Variants in CTNNAL1 observed in about 807,000 individuals in gnomAD.
CTNNAL1 encodes alpha-catulin.
A neutral mutation model predicts 93.6 loss-of-function variants in CTNNAL1; 69 were observed. The ratio of observed to expected loss-of-function variants is 0.74; its 90% CI spans 0.61 to 0.90. The LOEUF is 0.90. Ranked by LOEUF, CTNNAL1 falls within the 40% of genes least tolerant of loss-of-function variation. The pLI, the probability that CTNNAL1 is intolerant of heterozygous loss-of-function variation, is 0.00. For missense variants in CTNNAL1, 836 were observed against 862.0 expected, an observed-to-expected ratio of 0.97 and a Z score of 0.38; for synonymous variants, 286 against 305.4, an observed-to-expected ratio of 0.94 and a Z score of 0.66.
intron 6 of CTNNAL1, among the ~76,000 whole-genome samples, chr9:108,981,662 C>T (rs1400394440): frequency 1.3e-5 from 2 of 152,158 alleles, no homozygotes; most frequent in African/African-American, 2.4e-5. Flanking sequence ...TGGTGGTTCA[C>T]GCCTGTAATC....
At chr9:108,991,278 G>A (rs943566797) in intron 3 of CTNNAL1, among the ~76,000 whole-genome samples, 1 of 152,058 alleles carries the variant, frequency 6.6e-6, no homozygotes, top group Non-Finnish European at 1.5e-5. Flanking sequence ...ACATTCTCAG[G>A]AAAGCAGAAG....
chr9:108,983,468 G>C (rs1268416565), intron 5 of CTNNAL1, among the ~76,000 whole-genome samples, 153 bp from the exon 6 acceptor site: 1 of 152,120 alleles, frequency 6.6e-6, no homozygotes, highest in African/African-American at 2.4e-5. Context: ...CACTAAAGTG[G>C]AAGCAGGATG....
In CTNNAL1 at chr9:109,009,302, C is replaced by A. The variant is rs1430768641; in HGVS notation, c.141+4000G>T. ...CCAGCATAAGGTAATGAAGATACTG[C>A]CCTATTTTTTTTTTTCTAAAAGTGT... is the stretch of plus-strand genomic sequence containing the variant. On this transcript the variant is annotated intron_variant, in intron 1 of 18. Transcript: ENST00000325551. Among the ~76,000 whole-genome samples the A allele has an allele frequency of 2.0e-4, 3 of 15,070 alleles. No individual in the cohort carries two copies. In the East Asian group the frequency reaches 0.018, roughly 91 times the overall value. The allele number at this position is 15,070 out of a possible 152,430, so 9.9% of individuals were successfully genotyped here. A position where few individuals can be genotyped will look rare whatever the true frequency, so the allele number is the denominator to read the frequency against.
At chr9:108,958,062 T>TAAA (rs1830727969) in intron 11 of CTNNAL1, among the ~76,000 whole-genome samples, 2 of 43,710 alleles carry the variant, frequency 4.6e-5, no homozygotes, top group Non-Finnish European at 7.8e-5. Context: ...CAAGACTGTC[T>TAAA]CAAAAAAAAA....
intron 12 of CTNNAL1, among the ~76,000 whole-genome samples, chr9:108,954,555 C>A (rs529617750): frequency 1.3e-5 from 2 of 152,258 alleles, no homozygotes; most frequent in East Asian, 3.9e-4. Context: ...AGCTATAAAA[C>A]CATCTGTTAG....
At chr9:108,962,273 TA>T (rs1830837620) in intron 11 of CTNNAL1, among the ~76,000 whole-genome samples, 1 of 152,220 alleles carries the variant, frequency 6.6e-6, no homozygotes, top group Non-Finnish European at 1.5e-5. Context: ...TGGCAGCTAC[TA>T]TTATTTTTAT....
intron 3 of CTNNAL1, among the ~76,000 whole-genome samples, chr9:108,991,166 G>C (rs1269767619): frequency 2.6e-5 from 4 of 152,202 alleles, no homozygotes; most frequent in African/African-American, 9.6e-5. Flanking sequence ...GGAATGGGCA[G>C]GACCACAGTA....
chr9:108,968,389 G>T (rs963219066), intron 10 of CTNNAL1, among the ~76,000 whole-genome samples: 2 of 152,182 alleles, frequency 1.3e-5, no homozygotes, highest in African/African-American at 2.4e-5. Context: ...CTATCCTGGG[G>T]AAGAAAATAT....
In CTNNAL1 at chr9:108,965,399, C is replaced by G; in HGVS notation, c.1570G>C (p.Asp524His). Reference sequence around the variant, plus strand: ...TCACCTCGTCTTCCTTCAAACACGTCATTGATTTCTCTCAGCAGTGTTGAC... The same window carrying G: ...TCACCTCGTCTTCCTTCAAACACGTGATTGATTTCTCTCAGCAGTGTTGAC... ...DMSTLLREIN[D>H]VFEGRRGEKY... The change falls in exon 11 of 19, where the codon GAC becomes CAC. Residue 524 changes from aspartate (D) to histidine (H), a missense_variant. By Grantham distance (81) the Asp-to-His change is moderately conservative. Transcript: ENST00000325551. The G allele has an allele frequency of 6.7e-7, 1 of 1,503,654 alleles. No individual in the cohort carries two copies. 93.1% of individuals were successfully genotyped at this position (1,503,654 alleles called of 1,614,324 possible).
chr9:108,972,640 T>G, intron 9 of CTNNAL1, 35 bp downstream of exon 9: 1 of 1,568,524 alleles, frequency 6.4e-7, no homozygotes, highest in Non-Finnish European at 8.7e-7. Context: ...AAGCCATTAT[T>G]AAACTACAAT....
chr9:108,949,972 C>T (rs966008215), intron 14 of CTNNAL1, among the ~76,000 whole-genome samples: 2 of 147,988 alleles, frequency 1.4e-5, no homozygotes, highest in African/African-American at 2.5e-5. Flanking sequence ...TGCAGTGAGC[C>T]GAGATCATGC....
chr9:108,985,855 C>A (rs999018111), intron 4 of CTNNAL1, among the ~76,000 whole-genome samples: 1 of 152,090 alleles, frequency 6.6e-6, no homozygotes, highest in South Asian at 2.1e-4. Context: ...ATGGTGATAA[C>A]AAGCGACAGA....
chr9:108,982,445 C>T (rs191184685), intron 6 of CTNNAL1, among the ~76,000 whole-genome samples: 196 of 152,230 alleles, frequency 1.3e-3, no homozygotes, highest in African/African-American at 4.5e-3. Context: ...AACCCTCTAA[C>T]ACAGAGAAAA....
chr9:109,008,603 A>C (rs1419618493), intron 1 of CTNNAL1, among the ~76,000 whole-genome samples: 1 of 152,152 alleles, frequency 6.6e-6, no homozygotes, highest in Non-Finnish European at 1.5e-5. Context: ...TACCATCTCC[A>C]CGTTCCTCAC....
intron 10 of CTNNAL1, among the ~76,000 whole-genome samples, chr9:108,969,864 G>T (rs1202451551): frequency 6.6e-6 from 1 of 152,076 alleles, no homozygotes; most frequent in Non-Finnish European, 1.5e-5. Flanking sequence ...TAGACAGAGG[G>T]TCTTGCTGTG....
chr9:108,961,567 G>A (rs1830822222), intron 11 of CTNNAL1, among the ~76,000 whole-genome samples: 1 of 152,174 alleles, frequency 6.6e-6, no homozygotes, highest in South Asian at 2.1e-4. Flanking sequence ...TCCTTAGGAA[G>A]TTTGGGTAAT....
chr9:108,943,098 C>T, intron 17 of CTNNAL1, 54 bp from the exon 18 acceptor site: 2 of 1,455,312 alleles, frequency 1.4e-6, no homozygotes, highest in Admixed American at 2.1e-5. Flanking sequence ...CTTAAAAGAC[C>T]TTACCATTTA....
chr9:108,959,514 C>A (rs928980200), intron 11 of CTNNAL1, among the ~76,000 whole-genome samples: 3 of 151,148 alleles, frequency 2.0e-5, no homozygotes, highest in African/African-American at 2.4e-5. Context: ...GAGTTTGAGG[C>A]TGCAGTAAGC....
chr9:108,954,781 AT>A (rs1248963068), intron 12 of CTNNAL1, among the ~76,000 whole-genome samples: 2 of 152,062 alleles, frequency 1.3e-5, no homozygotes, highest in African/African-American at 4.8e-5. Context: ...AGTTTGGACC[AT>A]TTTTTGATTT....
Sources: allele counts gnomAD v4.1 joint callset (sites outside exome capture counted in the v4.1 genomes callset), GRCh38; gene constraint gnomAD v4.1.1; transcripts MANE v1.5; gene names NCBI Gene and HGNC (gene_info 2026-07-23, HGNC 2026-07-21).